CAMK2D: variants seen among roughly 807,000 people sequenced by gnomAD.
CAMK2D encodes the protein calcium/calmodulin-dependent protein kinase type II subunit delta.
CAMK2D carries 37 observed loss-of-function variants against 84.0 expected under a neutral mutation model. The observed-to-expected ratio is 0.44, with a 90% CI of 0.34 to 0.58. The LOEUF (loss-of-function observed/expected upper bound fraction) is 0.58. Ranked by LOEUF, CAMK2D falls within the 20% of genes least tolerant of loss-of-function variation. The pLI is 0.02. For synonymous variants in CAMK2D, 202 were observed against 212.5 expected (o/e 0.95, Z 0.43); for missense variants, 448 against 652.5 (o/e 0.69, Z 3.41).
At chr4:113,715,977 G>A (rs370204257) in intron 2 of CAMK2D, among the ~76,000 whole-genome samples, 3 of 151,734 alleles carry the variant, frequency 2.0e-5, no homozygotes, top group South Asian at 2.1e-4. Flanking sequence ...CCACATCACC[G>A]GAGACTGAAG....
At chr4:113,712,653 CTT>C (rs1401291045) in intron 2 of CAMK2D, among the ~76,000 whole-genome samples, 1 of 151,766 alleles carries the variant, frequency 6.6e-6, no homozygotes, top group Non-Finnish European at 1.5e-5. Context: ...TCTGTGAATA[CTT>C]TGAATTTTTT....
chr4:113,661,158 T>C (rs1329738860), intron 3 of CAMK2D, among the ~76,000 whole-genome samples: 1 of 152,214 alleles, frequency 6.6e-6, no homozygotes, highest in Admixed American at 6.5e-5. Context: ...ATATTATTTT[T>C]TGAAGTGTTT....
chr4:113,540,179 T>C (rs2154189895), intron 6 of CAMK2D, among the ~76,000 whole-genome samples: 1 of 152,282 alleles, frequency 6.6e-6, no homozygotes, highest in Middle Eastern at 3.4e-3. Context: ...CTACCACTCA[T>C]ATAGCTTCCA....
At chr4:113,513,248 T>G in intron 12 of CAMK2D, 80 bp downstream of exon 12, 1 of 1,579,358 alleles carries the variant, frequency 6.3e-7, no homozygotes, top group Non-Finnish European at 8.6e-7. Context: ...ATTAGATTTT[T>G]AAAATTCCAG....
chr4:113,635,467 T>A (rs2099106497), intron 3 of CAMK2D, among the ~76,000 whole-genome samples: 1 of 152,188 alleles, frequency 6.6e-6, no homozygotes, highest in South Asian at 2.1e-4. Flanking sequence ...AGTAGTCTTA[T>A]TTCCAGCTTT....
intron 4 of CAMK2D, among the ~76,000 whole-genome samples, chr4:113,594,344 C>T (rs954695302): frequency 2.0e-5 from 3 of 152,170 alleles, no homozygotes; most frequent in African/African-American, 7.2e-5. Flanking sequence ...ACCATATCAC[C>T]TAGTACATCA....
intron 2 of CAMK2D, among the ~76,000 whole-genome samples, chr4:113,728,999 C>T (rs1200585712): frequency 6.6e-6 from 1 of 152,080 alleles, no homozygotes; most frequent in East Asian, 1.9e-4. Flanking sequence ...CAAAAAAAGG[C>T]TCTTATGGCA....
intron 7 of CAMK2D, among the ~76,000 whole-genome samples, 176 bp downstream of exon 7, chr4:113,537,165 A>G (rs1299478389): frequency 1.3e-5 from 2 of 152,128 alleles, no homozygotes; most frequent in African/African-American, 4.8e-5. Context: ...TTTCTAGATT[A>G]TATAACCTTT....
At position 113,759,386 on chromosome 4, in the gene CAMK2D, T is replaced by A; in HGVS notation, c.94A>T (p.Met32Leu). The change falls in exon 2 of 21, where the codon ATG becomes TTG. Residue 32 changes from methionine (M) to leucine (L), a missense_variant. This residue lies in a region of CAMK2D where 44 missense variants were observed against 45.6 expected (regional missense o/e 0.96). Transcript: ENST00000511664. ...KGAFSVVRRC[M>L]KIPTGQEYAA... is the part of the protein sequence containing the mutation. Reference sequence around the variant, plus strand: ...TATTCTTGTCCAGTAGGAATTTTCATACATCTTCTCACCACTGAGAATGCC... The same window carrying A: ...TATTCTTGTCCAGTAGGAATTTTCAAACATCTTCTCACCACTGAGAATGCC... The A allele has an allele frequency of 6.2e-7, 1 of 1,608,372 alleles. No homozygotes were observed. Among genetic ancestry groups the A allele is most frequent in the Non-Finnish European group, 8.5e-7 (1 of 1,176,704 alleles).
intron 2 of CAMK2D, among the ~76,000 whole-genome samples, chr4:113,702,024 G>T (rs191776624): frequency 2.0e-5 from 3 of 152,276 alleles, no homozygotes; most frequent in African/African-American, 7.2e-5. Flanking sequence ...TTTGAAGGGG[G>T]ATCTGGGGAG....
At chr4:113,746,907 G>A (rs2099605319) in intron 2 of CAMK2D, among the ~76,000 whole-genome samples, 2 of 148,028 alleles carry the variant, frequency 1.4e-5, no homozygotes, top group Non-Finnish European at 3.0e-5. Flanking sequence ...TATTTTTGAA[G>A]TCAATAGGCT....
chr4:113,517,611 A>C lies in CAMK2D; in HGVS notation c.648T>G (p.Asp216Glu). ...GCTGATAGAGTCTGTGTTGGTCTTCATCCCAGAAGGGTGGATACCCCACAA... is the reference window on the plus strand; with the variant it reads ...GCTGATAGAGTCTGTGTTGGTCTTCCTCCCAGAAGGGTGGATACCCCACAA... ...ILLVGYPPFWDEDQHRLYQQI... is the reference protein window; with the variant it reads ...ILLVGYPPFWEEDQHRLYQQI... Residue 216 changes from aspartate to glutamate, a missense_variant, in exon 9 of 21, where the codon GAT becomes GAG. By Grantham distance (45) the Asp-to-Glu change is conservative. Coordinates refer to ENST00000511664, the MANE Select transcript of CAMK2D (RefSeq NM_001321571.2). 1 of 1,593,552 alleles carries C rather than the reference A, an allele frequency of 6.3e-7. No individual in the cohort carries two copies. The highest frequency in any genetic ancestry group is 8.6e-7 in the Non-Finnish European group (1 of 1,161,680).
At chr4:113,631,167 A>G (rs2099087965) in intron 3 of CAMK2D, among the ~76,000 whole-genome samples, 1 of 151,934 alleles carries the variant, frequency 6.6e-6, no homozygotes, top group African/African-American at 2.4e-5. Context: ...TTCAAAAATC[A>G]CCTCTTCTTA....
chr4:113,745,701 C>A (rs1859231), intron 2 of CAMK2D, among the ~76,000 whole-genome samples: 22,580 of 152,034 alleles, frequency 0.15, 1,946 homozygotes, highest in African/African-American at 0.23. Flanking sequence ...AGTGATGTAG[C>A]GTTTATTTTC....
At chr4:113,616,329 A>T (rs1431210522) in intron 3 of CAMK2D, among the ~76,000 whole-genome samples, 2 of 152,238 alleles carry the variant, frequency 1.3e-5, no homozygotes, top group South Asian at 4.1e-4. Context: ...AAGCATATCA[A>T]CTCTGGTGAC....
At chr4:113,630,697 C>T (rs2099086192) in intron 3 of CAMK2D, among the ~76,000 whole-genome samples, 3 of 152,144 alleles carry the variant, frequency 2.0e-5, no homozygotes, top group Admixed American at 1.3e-4. Flanking sequence ...CCCTCGACCA[C>T]CACATTCACT....
At chr4:113,566,730 G>A (rs897343359) in intron 4 of CAMK2D, among the ~76,000 whole-genome samples, 4 of 152,120 alleles carry the variant, frequency 2.6e-5, no homozygotes, top group African/African-American at 9.7e-5. Flanking sequence ...TGTTCACACT[G>A]AGTGGAATAT....
chr4:113,674,337 C>T (rs1339106328), intron 2 of CAMK2D, among the ~76,000 whole-genome samples: 3 of 152,090 alleles, frequency 2.0e-5, no homozygotes, highest in Non-Finnish European at 2.9e-5. Context: ...TAGATGTCAT[C>T]GTTCATCATT....
chr4:113,531,070 C>T, intron 8 of CAMK2D, 146 bp downstream of exon 8: 1 of 559,998 alleles, frequency 1.8e-6, no homozygotes, highest in Non-Finnish European at 3.2e-6. Flanking sequence ...GGCGACAGAG[C>T]AAGACACTGT....
Sources: gnomAD v4.1 joint callset for allele counts (sites outside exome capture counted in the v4.1 genomes callset) on GRCh38, gnomAD v4.1.1 for gene constraint, gnomAD v4.1.1 regional missense constraint, MANE v1.5 for transcripts, NCBI Gene and HGNC (gene_info 2026-07-23, HGNC 2026-07-21) for gene names.